The following METAP2 variants were observed in gnomAD, a reference collection of about 807,000 sequenced individuals.
METAP2 encodes methionine aminopeptidase 2.
METAP2 carries 25 observed loss-of-function variants against 59.4 expected under a neutral mutation model. That is an observed-to-expected ratio of 0.42 (90% confidence interval 0.31 to 0.59). The LOEUF (loss-of-function observed/expected upper bound fraction) is 0.59, where lower values mean the gene tolerates loss of function less well. METAP2 is among the 20% of genes least tolerant of loss of function. METAP2 has a pLI of 0.16. For synonymous variants in METAP2, 214 were observed against 194.1 expected, an observed-to-expected ratio of 1.10 and a Z score of -0.85; for missense variants, 366 against 581.2, an observed-to-expected ratio of 0.63 and a Z score of 3.81.
intron 6 of METAP2, 82 bp from the exon 7 acceptor site, chr12:95,495,922 C>A: frequency 1.2e-6 from 1 of 817,126 alleles, no homozygotes; most frequent in South Asian, 1.8e-5. Context: ...GTTAAACTAG[C>A]AAGATTAATA....
chr12:95,497,516 T>G, intron 7 of METAP2, among the ~76,000 whole-genome samples: 1 of 152,240 alleles, frequency 6.6e-6, no homozygotes, highest in Non-Finnish European at 1.5e-5. Flanking sequence ...TTAGCTATTG[T>G]GAATATTGCT....
intron 2 of METAP2, among the ~76,000 whole-genome samples, chr12:95,477,971 A>G (rs1565773735): frequency 6.6e-6 from 1 of 152,240 alleles, no homozygotes; most frequent in South Asian, 2.1e-4. Context: ...ATAGATTGCT[A>G]TAGACCCACT....
At position 95,514,144 on chromosome 12, in the gene METAP2, A is replaced by G. The variant is rs946808413; in HGVS notation, c.*240A>G. Reference sequence around the variant, plus strand: ...TCCCCTTCCTGTCTAGGAAAATGCTATAAAGCTCAAATTAGTTAGGAATGA... The same window carrying G: ...TCCCCTTCCTGTCTAGGAAAATGCTGTAAAGCTCAAATTAGTTAGGAATGA... On this transcript the variant is annotated 3_prime_UTR_variant, in exon 11 of 11. Coordinates refer to ENST00000323666, the MANE Select transcript of METAP2 (RefSeq NM_006838.4). The G allele has an allele frequency of 1.8e-5, 9 of 498,744 alleles. No individual in the cohort carries two copies. The highest frequency in any genetic ancestry group is 1.1e-4 in the South Asian group (3 of 27,304). The allele number at this position is 498,744 out of a possible 1,614,324, so 30.9% of individuals were successfully genotyped here. A position where few individuals can be genotyped will look rare whatever the true frequency, so the allele number is the denominator to read the frequency against.
At chr12:95,487,393 A>G (rs1166098757) in intron 4 of METAP2, among the ~76,000 whole-genome samples, 1 of 152,028 alleles carries the variant, frequency 6.6e-6, no homozygotes, top group Non-Finnish European at 1.5e-5. Flanking sequence ...ATTTCCAGTT[A>G]CGAATGTTCT....
chr12:95,504,143 G>A lies in METAP2; in HGVS notation c.946G>A (p.Asp316Asn). The change falls in exon 8 of 11, where the codon GAT becomes AAT. Residue 316 changes from aspartate to asparagine, a missense_variant. This residue lies in a region of METAP2 where 106 missense variants were observed against 221.9 expected (regional missense o/e 0.48). Coordinates refer to ENST00000323666, the MANE Select transcript of METAP2 (RefSeq NM_006838.4). Reference sequence around the variant, plus strand: ...TATGGAGTCCTATGAAGTTGAAATAGATGGGAAGACATATCAAGGTATGTT... The same window carrying A: ...TATGGAGTCCTATGAAGTTGAAATAAATGGGAAGACATATCAAGGTATGTT... ...EVMESYEVEIDGKTYQVKPIR... is the reference protein window; with the variant it reads ...EVMESYEVEINGKTYQVKPIR... 6.2e-7 allele frequency: 1 copy of A among 1,605,080 alleles called. No individual in the cohort carries two copies. The highest frequency in any genetic ancestry group is 8.5e-7 in the Non-Finnish European group (1 of 1,172,058).
intron 8 of METAP2, among the ~76,000 whole-genome samples, chr12:95,504,460 A>G (rs1028130898): frequency 2.6e-5 from 4 of 152,182 alleles, no homozygotes; most frequent in African/African-American, 9.7e-5. Context: ...CTTGCCATTG[A>G]TGACTTCTCA....
At chr12:95,504,422 C>G (rs1379468418) in intron 8 of METAP2, among the ~76,000 whole-genome samples, 1 of 152,190 alleles carries the variant, frequency 6.6e-6, no homozygotes, top group African/African-American at 2.4e-5. Context: ...TGTGACTAGT[C>G]AAATCAAGGC....
intron 8 of METAP2, among the ~76,000 whole-genome samples, chr12:95,509,736 A>T (rs1363939246): frequency 6.6e-6 from 1 of 152,072 alleles, no homozygotes; most frequent in East Asian, 1.9e-4. Context: ...TAAGTTTGTA[A>T]CATACTTGTT....
chr12:95,498,139 A>C (rs1282695889), intron 7 of METAP2, among the ~76,000 whole-genome samples: 1 of 151,686 alleles, frequency 6.6e-6, no homozygotes, highest in African/African-American at 2.4e-5. Context: ...TCTCAAAAAA[A>C]AAAAAAAACA....
At chr12:95,508,579 G>C (rs2140164970) in intron 8 of METAP2, among the ~76,000 whole-genome samples, 2 of 152,264 alleles carry the variant, frequency 1.3e-5, no homozygotes, top group East Asian at 3.9e-4. Flanking sequence ...TCTAGAGTTA[G>C]TTATTTCTCT....
intron 4 of METAP2, among the ~76,000 whole-genome samples, chr12:95,487,960 A>G (rs1037766732): frequency 2.0e-5 from 3 of 152,156 alleles, no homozygotes; most frequent in Non-Finnish European, 2.9e-5. Flanking sequence ...CCATTCTGCA[A>G]TAAACCTCCT....
In METAP2 at chr12:95,494,070, G is replaced by A; in HGVS notation, c.443G>A (p.Trp148Ter). 1 of 1,613,830 alleles carries A rather than the reference G, an allele frequency of 6.2e-7. No individual in the cohort carries two copies. Among genetic ancestry groups the A allele is most frequent in the Non-Finnish European group, 8.5e-7 (1 of 1,179,922 alleles). Residue 148 changes from tryptophan (W) to a stop codon, truncating the protein, a stop_gained, in exon 5 of 11, where the codon TGG becomes TAG. Coordinates refer to ENST00000323666, the MANE Select transcript of METAP2 (RefSeq NM_006838.4). LOFTEE classifies it high-confidence loss of function. ...CCACTCTAAAGGCGAACAGCTGCTTGGAGAACTACAAGTGAAGAAAAGAAA... is the reference window on the plus strand; with the variant it reads ...CCACTCTAAAGGCGAACAGCTGCTTAGAGAACTACAAGTGAAGAAAAGAAA... Reference protein sequence around the residue: ...PPTQDGRTAAWRTTSEEKKAL... With the variant: ...PPTQDGRTAA
In METAP2 at chr12:95,507,940, A is replaced by AT. The variant is rs372529582; in HGVS notation, c.964+3801dup. ...ATTACATGCGCCACCACGCCCAGCA[A>AT]TTTTTTTTTTTTTTTTTTTTTTAGT... is the stretch of plus-strand genomic sequence containing the variant. On this transcript the variant is annotated intron_variant, in intron 8 of 10. Coordinates refer to ENST00000323666, the MANE Select transcript of METAP2 (RefSeq NM_006838.4). Among the ~76,000 whole-genome samples, 915 of 130,212 alleles carry AT rather than the reference A, an allele frequency of 7.0e-3. 10 individuals carry two copies. Among genetic ancestry groups the AT allele is most frequent in the African/African-American group, 0.015 (524 of 33,864 alleles). The allele number at this position is 130,212 out of a possible 152,430, so 85.4% of individuals were successfully genotyped here.
chr12:95,474,168 C>T lies in METAP2; in HGVS notation c.-12C>T, dbSNP rs780445023. ...CCGCTCTGTCTCATTCCCTCGCGCT[C>T]TCTCGGGCAACATGGCGGGTGTGGA... On this transcript the variant is annotated 5_prime_UTR_variant, in exon 1 of 11. Transcript: ENST00000323666. The T allele has an allele frequency of 2.5e-6, 4 of 1,613,222 alleles. No homozygotes were observed. The highest frequency in any genetic ancestry group is 3.4e-6 in the Non-Finnish European group (4 of 1,179,706).
At chr12:95,477,805 A>G (rs955951311) in intron 2 of METAP2, among the ~76,000 whole-genome samples, 1 of 152,230 alleles carries the variant, frequency 6.6e-6, no homozygotes, top group African/African-American at 2.4e-5. Flanking sequence ...CAAGAAGCTT[A>G]TAGTGAACAT....
chr12:95,493,959 ATTTT>A, intron 4 of METAP2, 93 bp from the exon 5 acceptor site: 1 of 1,041,088 alleles, frequency 9.6e-7, no homozygotes, highest in Non-Finnish European at 1.4e-6. Flanking sequence ...TATGTACTGT[ATTTT>A]TATTTGAACT....
chr12:95,507,797 A>G (rs2076372775), intron 8 of METAP2, among the ~76,000 whole-genome samples: 1 of 147,242 alleles, frequency 6.8e-6, no homozygotes. Context: ...TTTTTTTGAG[A>G]GAGACTTTTG....
intron 8 of METAP2, among the ~76,000 whole-genome samples, chr12:95,508,961 A>G (rs2076381812): frequency 6.6e-6 from 1 of 152,156 alleles, no homozygotes; most frequent in African/African-American, 2.4e-5. Flanking sequence ...GATAATAGGG[A>G]GATGAAGAAA....
intron 8 of METAP2, among the ~76,000 whole-genome samples, chr12:95,511,108 T>G (rs1021136269): frequency 1.3e-5 from 2 of 152,200 alleles, no homozygotes; most frequent in African/African-American, 4.8e-5. Context: ...TTCTTTCTTC[T>G]TTCTTACTTC....
Sources: allele counts gnomAD v4.1 joint callset (sites outside exome capture counted in the v4.1 genomes callset), GRCh38; gene constraint gnomAD v4.1.1; regional missense constraint gnomAD v4.1.1; transcripts MANE v1.5; gene names NCBI Gene and HGNC (gene_info 2026-07-23, HGNC 2026-07-21).